Variants in HK2 observed in about 807,000 individuals in gnomAD.
HK2 encodes hexokinase-2.
HK2 carries 42 observed loss-of-function variants against 92.9 expected under a neutral mutation model. That is an observed-to-expected ratio of 0.45 (90% CI 0.35 to 0.58). HK2 has a LOEUF of 0.58. Among genes scored for constraint, HK2 ranks in the 20% least tolerant of loss-of-function variants. The pLI is 0.00. For synonymous variants in HK2, 422 were observed against 468.0 expected (o/e 0.90, Z 1.27); for missense variants, 978 against 1,245.1 (o/e 0.79, Z 3.23).
intron 1 of HK2, among the ~76,000 whole-genome samples, chr2:74,851,406 G>A (rs1029835814): frequency 2.0e-5 from 3 of 152,248 alleles, no homozygotes; most frequent in African/African-American, 7.2e-5. Flanking sequence ...AAAAGGCAAC[G>A]TGGATAAAGG....
rs1280619850 is a variant in HK2 at position 74,872,296 on chromosome 2, T to C, written c.376-4T>C. 1 of 1,613,930 alleles carries C rather than the reference T, an allele frequency of 6.2e-7. No homozygotes were observed. The highest frequency in any genetic ancestry group is 1.1e-5 in the South Asian group (1 of 91,070). On this transcript the variant is annotated splice_region_variant and splice_polypyrimidine_tract_variant and intron_variant, in intron 3 of 17. Transcript: ENST00000290573. ...GCTCACCACCCTGTGTCATGTATCCTTAGCTGTTTGACCACATTGCCGAAT... is the reference window on the plus strand; with the variant it reads ...GCTCACCACCCTGTGTCATGTATCCCTAGCTGTTTGACCACATTGCCGAAT...
Position 74,878,561 on chromosome 2 carries a change from A to G in HK2, c.1032-127A>G, listed in dbSNP as rs28363027. 2,076 of 779,494 alleles carry G rather than the reference A, an allele frequency of 2.7e-3. 29 individuals are homozygous for G. In the African/African-American group the frequency reaches 0.032, roughly 12 times the overall value. 48.3% of individuals were successfully genotyped at this position (779,494 alleles called of 1,614,324 possible). The stretch of plus-strand genomic sequence containing the variant: ...CCTGCACAGGTGGACTAAGCAATGA[A>G]GAGGGATTCTGTCCCCACTGGGTGG... On this transcript the variant is annotated intron_variant, in intron 8 of 17. Coordinates refer to ENST00000290573, the MANE Select transcript of HK2 (RefSeq NM_000189.5).
intron 9 of HK2, 26 bp downstream of exon 9, chr2:74,878,947 A>T: frequency 3.3e-6 from 5 of 1,531,076 alleles, no homozygotes; most frequent in Middle Eastern, 1.7e-4. Context: ...GGGCCTGGAG[A>T]TGCGGAGTTC....
intron 1 of HK2, among the ~76,000 whole-genome samples, chr2:74,852,899 T>C (rs1688603187): frequency 6.6e-6 from 1 of 152,202 alleles, no homozygotes; most frequent in South Asian, 2.1e-4. Flanking sequence ...CCTCCAGGTA[T>C]GCAAAGGTGA....
At chr2:74,865,987 G>A (rs1688936556) in intron 2 of HK2, among the ~76,000 whole-genome samples, 1 of 152,124 alleles carries the variant, frequency 6.6e-6, no homozygotes, top group East Asian at 1.9e-4. Context: ...GAGGCTCAGA[G>A]GCTCAGGAAC....
intron 1 of HK2, among the ~76,000 whole-genome samples, chr2:74,846,938 A>G (rs1688456080): frequency 6.6e-6 from 1 of 152,184 alleles, no homozygotes; most frequent in Admixed American, 6.5e-5. Context: ...GTGTTGACCT[A>G]ATATATAGAT....
intron 7 of HK2, among the ~76,000 whole-genome samples, chr2:74,875,327 GTTT>G (rs61418530): frequency 1.8e-5 from 2 of 112,080 alleles, no homozygotes; most frequent in Admixed American, 9.8e-5. Context: ...CCTTGCTTTC[GTTT>G]TTTTTTTTTT....
chr2:74,865,142 A>T (rs900802844), intron 2 of HK2, among the ~76,000 whole-genome samples: 6 of 152,078 alleles, frequency 3.9e-5, no homozygotes, highest in African/African-American at 1.5e-4. Flanking sequence ...GTCATTGGCT[A>T]TGGTGGTTGT....
chr2:74,881,572 T>C, intron 10 of HK2, 139 bp from the exon 11 acceptor site: 1 of 902,296 alleles, frequency 1.1e-6, no homozygotes, highest in South Asian at 1.4e-5. Flanking sequence ...GACTCTTCTG[T>C]TCCTTCTGTA....
chr2:74,836,333 C>A (rs1688164608), intron 1 of HK2, among the ~76,000 whole-genome samples: 1 of 152,172 alleles, frequency 6.6e-6, no homozygotes, highest in Non-Finnish European at 1.5e-5. Context: ...CACTCTCAAT[C>A]TTGGAATGGG....
rs1437108312 is a variant in HK2 at position 74,834,833 on chromosome 2, G to GC, written c.63+191dup. On this transcript the variant is annotated intron_variant, in intron 1 of 17. Transcript: ENST00000290573. This position sits in a 1 kb window ranked among gnomAD's most constrained non-coding sequence, Gnocchi z 4.2. The stretch of plus-strand genomic sequence containing the variant: ...CGCTAAGCACAGCCGGCGAGTGCGC[G>GC]CGGGCGGGGAGCCGAGGTCGCGCTC... 2.0e-5 allele frequency among the ~76,000 whole-genome samples: 3 copies of GC among 147,468 alleles called. No individual in the cohort carries two copies. The highest frequency in any genetic ancestry group is 7.3e-5 in the African/African-American group (3 of 41,064).
At chr2:74,840,644 GA>G (rs1688285700) in intron 1 of HK2, among the ~76,000 whole-genome samples, 1 of 150,382 alleles carries the variant, frequency 6.6e-6, no homozygotes, top group Admixed American at 6.6e-5. Flanking sequence ...AAGGCGGGCG[GA>G]TCACGAGGTC....
In HK2 at chr2:74,890,971, TTCTC is replaced by T; in HGVS notation, c.*33_*36del. Reference sequence around the variant, plus strand: ...CCTGAAATCGGAAGGGACTTCCTCTTTCTCTCCTTCTTCCCTGTTTTAAATTATA... The same window carrying T: ...CCTGAAATCGGAAGGGACTTCCTCTTTCCTTCTTCCCTGTTTTAAATTATA... On this transcript the variant is annotated 3_prime_UTR_variant, in exon 18 of 18. Coordinates refer to ENST00000290573, the MANE Select transcript of HK2 (RefSeq NM_000189.5). 1 of 1,611,720 alleles carries T rather than the reference TTCTC, an allele frequency of 6.2e-7. No homozygotes were observed. Among genetic ancestry groups the T allele is most frequent in the Non-Finnish European group, 8.5e-7 (1 of 1,179,072 alleles).
At chr2:74,836,747 GCAGAGACT>G (rs1248048557) in intron 1 of HK2, among the ~76,000 whole-genome samples, 1 of 152,238 alleles carries the variant, frequency 6.6e-6, no homozygotes, top group Non-Finnish European at 1.5e-5. Context: ...TACATAGAAA[GCAGAGACT>G]CAGAGTATCT....
intron 2 of HK2, among the ~76,000 whole-genome samples, chr2:74,861,846 T>A (rs926507142): frequency 1.3e-5 from 2 of 152,234 alleles, no homozygotes; most frequent in Non-Finnish European, 2.9e-5. Flanking sequence ...GTGGTGCCTT[T>A]ATCACCCTTG....
At chr2:74,835,778 T>G (rs917532603) in intron 1 of HK2, among the ~76,000 whole-genome samples, 2 of 152,244 alleles carry the variant, frequency 1.3e-5, no homozygotes, top group African/African-American at 4.8e-5. Flanking sequence ...TTAAGAGCTG[T>G]GAGGCAACGG....
intron 1 of HK2, among the ~76,000 whole-genome samples, chr2:74,848,331 TTTC>T (rs1688491986): frequency 6.6e-6 from 1 of 152,254 alleles, no homozygotes; most frequent in Non-Finnish European, 1.5e-5. Context: ...GGGCTGTTGA[TTTC>T]TTAAAATTTT....
intron 8 of HK2, among the ~76,000 whole-genome samples, chr2:74,878,274 C>T (rs1053542336): frequency 1.3e-5 from 2 of 152,210 alleles, no homozygotes; most frequent in African/African-American, 2.4e-5. Context: ...AGCAGAGACA[C>T]TGTCTGTCTC....
chr2:74,850,882 G>A (rs1298869287), intron 1 of HK2, among the ~76,000 whole-genome samples: 1 of 152,148 alleles, frequency 6.6e-6, no homozygotes, highest in African/African-American at 2.4e-5. Flanking sequence ...CTAATAAGCT[G>A]AGTGGACACA....
Sources: gnomAD v4.1 joint callset for allele counts (sites outside exome capture counted in the v4.1 genomes callset) on GRCh38, gnomAD v4.1.1 for gene constraint, Gnocchi (gnomAD v3.1) non-coding constraint, MANE v1.5 for transcripts, NCBI Gene and HGNC (gene_info 2026-07-23, HGNC 2026-07-21) for gene names.